The following CSMD1 variants were observed in gnomAD, a reference collection of about 807,000 sequenced individuals.
CSMD1 encodes the protein CUB and Sushi multiple domains 1, also known as CUB and sushi domain-containing protein 1.
A neutral mutation model predicts 417.5 loss-of-function variants in CSMD1; 213 were observed. That is an observed-to-expected ratio of 0.51 (90% confidence interval 0.46 to 0.57). CSMD1 has a LOEUF of 0.57. Ranked by LOEUF, CSMD1 falls within the 20% of genes least tolerant of loss-of-function variation. The probability of loss-of-function intolerance (pLI) is 0.00; values close to 1 mark genes in which losing one functional copy is unlikely to be tolerated. For missense variants in CSMD1, 6,923 were observed against 4,529.7 expected, an observed-to-expected ratio of 1.53 and a Z score of -15.17; for synonymous variants, 2,862 against 1,736.8, an observed-to-expected ratio of 1.65 and a Z score of -16.11.
Position 4,240,911 on chromosome 8 carries a change from G to A in CSMD1, c.415+179042C>T, listed in dbSNP as rs148299997. 1.8e-4 allele frequency among the ~76,000 whole-genome samples: 27 copies of A among 152,264 alleles called. 1 individual carries two copies. The highest frequency in any genetic ancestry group is 5.2e-4 in the Admixed American group (8 of 15,296). On this transcript the variant is annotated intron_variant, in intron 3 of 69. Transcript: ENST00000635120. ...GGCGCATGTTACTGTAAAGAAAATAGTTTAAAATTATTTTTCCATTACCAA... is the reference window on the plus strand; with the variant it reads ...GGCGCATGTTACTGTAAAGAAAATAATTTAAAATTATTTTTCCATTACCAA...
chr8:3,736,111 T>G (rs1271131188), intron 6 of CSMD1, among the ~76,000 whole-genome samples: 1 of 152,180 alleles, frequency 6.6e-6, no homozygotes, highest in Non-Finnish European at 1.5e-5. Flanking sequence ...TTGTATGCAG[T>G]TTACATACAT....
intron 2 of CSMD1, among the ~76,000 whole-genome samples, chr8:4,487,612 CA>C (rs1249108849): frequency 6.6e-6 from 1 of 151,882 alleles, no homozygotes; most frequent in African/African-American, 2.4e-5. Context: ...TGTGAAGTTT[CA>C]AAATTAAAGT....
chr8:3,950,663 T>C (rs1285943679), intron 5 of CSMD1, among the ~76,000 whole-genome samples: 1 of 152,246 alleles, frequency 6.6e-6, no homozygotes, highest in Non-Finnish European at 1.5e-5. Flanking sequence ...AAAAAGTTAA[T>C]GTTTCTCCTG....
At chr8:3,932,586 G>A (rs1300159918) in intron 5 of CSMD1, among the ~76,000 whole-genome samples, 1 of 150,502 alleles carries the variant, frequency 6.6e-6, no homozygotes, top group Admixed American at 6.6e-5. Flanking sequence ...ACTGTGGCTA[G>A]TTAAAAATCC....
At chr8:4,165,153 A>G (rs1797383033) in intron 3 of CSMD1, among the ~76,000 whole-genome samples, 3 of 152,164 alleles carry the variant, frequency 2.0e-5, no homozygotes, top group Non-Finnish European at 4.4e-5. Context: ...TTCAGCCTCC[A>G]CTGCTTAATA....
chr8:3,615,795 A>C (rs1802108631), intron 8 of CSMD1, among the ~76,000 whole-genome samples: 1 of 152,104 alleles, frequency 6.6e-6, no homozygotes, highest in Non-Finnish European at 1.5e-5. Context: ...TGTAAGAAGG[A>C]AAAACACATA....
chr8:3,508,239 G>A (rs557188703), intron 10 of CSMD1, among the ~76,000 whole-genome samples: 1 of 152,132 alleles, frequency 6.6e-6, no homozygotes, highest in East Asian at 1.9e-4. Flanking sequence ...AGGCACTTAA[G>A]TGGTGTCTGT....
chr8:3,303,350 C>T (rs889229928), intron 25 of CSMD1, among the ~76,000 whole-genome samples: 1 of 152,144 alleles, frequency 6.6e-6, no homozygotes, highest in African/African-American at 2.4e-5. Flanking sequence ...ACTCTAATCT[C>T]TCTAAAAGCT....
intron 5 of CSMD1, among the ~76,000 whole-genome samples, chr8:3,833,987 C>T (rs1446968201): frequency 6.6e-6 from 1 of 152,104 alleles, no homozygotes; most frequent in African/African-American, 2.4e-5. Context: ...ACGGTTTGAA[C>T]ACCACTTTTC....
rs118011556 is a variant in CSMD1 at position 3,409,551 on chromosome 8, G to A, written c.1616C>T (p.Thr539Met). 7.5e-6 allele frequency: 12 copies of A among 1,610,264 alleles called. No individual in the cohort carries two copies. Among genetic ancestry groups the A allele is most frequent in the African/African-American group, 2.7e-5 (2 of 74,826 alleles). ...ATCTCCATGGAGGAAACTGCTGCCC[G>A]TCCGCTTCCCATAGGCGGGGATTCC... Reference protein sequence around the residue: ...DPGIPAYGKRTGSSFLHGDTL... With the variant: ...DPGIPAYGKRMGSSFLHGDTL... Residue 539 changes from threonine (T) to methionine (M), a missense_variant, in exon 13 of 70, where the codon ACG (threonine) becomes ATG (methionine). Thr to Met is a moderately conservative substitution (Grantham distance 81, BLOSUM62 -1). Coordinates refer to ENST00000635120, the MANE Select transcript of CSMD1 (RefSeq NM_033225.6).
chr8:3,920,033 T>G (rs1042583794), intron 5 of CSMD1, among the ~76,000 whole-genome samples: 3 of 151,994 alleles, frequency 2.0e-5, no homozygotes, highest in African/African-American at 4.8e-5. Context: ...GTTTTTTACT[T>G]TTTTGTTTTT....
chr8:4,307,321 G>A (rs1327299586), intron 3 of CSMD1, among the ~76,000 whole-genome samples: 5 of 152,046 alleles, frequency 3.3e-5, no homozygotes, highest in African/African-American at 1.2e-4. Flanking sequence ...CATCACACAT[G>A]TCCACATTGA....
At chr8:3,511,123 C>G (rs1797048381) in intron 10 of CSMD1, among the ~76,000 whole-genome samples, 1 of 151,646 alleles carries the variant, frequency 6.6e-6, no homozygotes, top group Non-Finnish European at 1.5e-5. Context: ...AGCAAACTAA[C>G]AAAGGAACAG....
In CSMD1 at chr8:4,274,139, T is replaced by A. The variant is rs576553605; in HGVS notation, c.415+145814A>T. Among the ~76,000 whole-genome samples, 3 of 152,320 alleles carry A rather than the reference T, an allele frequency of 2.0e-5. No individual in the cohort carries two copies. The South Asian group carries it at 6.2e-4, about 32-fold the overall frequency. ...CCTCCTCCATTATCTTAGAAGTGAC[T>A]CTAATACTCACTAATGTATTTTTTT... On this transcript the variant is annotated intron_variant, in intron 3 of 69. Coordinates refer to ENST00000635120, the MANE Select transcript of CSMD1 (RefSeq NM_033225.6).
intron 7 of CSMD1, among the ~76,000 whole-genome samples, chr8:3,672,038 A>T (rs1487607956): frequency 6.6e-6 from 1 of 152,206 alleles, no homozygotes; most frequent in Non-Finnish European, 1.5e-5. Context: ...TTAAATGAAG[A>T]AGCAAATTAA....
intron 4 of CSMD1, among the ~76,000 whole-genome samples, chr8:4,029,698 A>G (rs1056141195): frequency 1.3e-5 from 2 of 152,066 alleles, no homozygotes; most frequent in Admixed American, 1.3e-4. Context: ...AAAACCAACC[A>G]TGCCTTCCCA....
intron 8 of CSMD1, among the ~76,000 whole-genome samples, chr8:3,598,025 G>C (rs1015054855): frequency 1.3e-5 from 2 of 152,158 alleles, no homozygotes; most frequent in Admixed American, 6.5e-5. Context: ...TTTATCATTT[G>C]CCCTACTTCA....
intron 50 of CSMD1, among the ~76,000 whole-genome samples, chr8:3,036,270 TA>T (rs1810668675): frequency 6.6e-6 from 1 of 152,222 alleles, no homozygotes; most frequent in Non-Finnish European, 1.5e-5. Flanking sequence ...GAAGTGAGAT[TA>T]CCATAAATAA....
At chr8:3,726,982 C>G (rs1802535975) in intron 6 of CSMD1, among the ~76,000 whole-genome samples, 1 of 152,136 alleles carries the variant, frequency 6.6e-6, no homozygotes, top group South Asian at 2.1e-4. Context: ...TACATACCAC[C>G]AGTAAACACT....
Sources: allele counts gnomAD v4.1 joint callset (sites outside exome capture counted in the v4.1 genomes callset), GRCh38; gene constraint gnomAD v4.1.1; transcripts MANE v1.5; gene names NCBI Gene and HGNC (gene_info 2026-07-23, HGNC 2026-07-21).